PTK2: variants seen among roughly 807,000 people sequenced by gnomAD.
PTK2 encodes the protein focal adhesion kinase 1.
A neutral mutation model predicts 150.1 loss-of-function variants in PTK2; 45 were observed. The observed-to-expected ratio is 0.30, with a 90% CI of 0.24 to 0.38. The LOEUF is 0.38. PTK2 is among the 10% of genes least tolerant of loss of function. The pLI is 1.00. For missense variants in PTK2, 919 were observed against 1,307.3 expected (o/e 0.70, Z 4.58); for synonymous variants, 432 against 449.2 (o/e 0.96, Z 0.48).
chr8:140,658,863 G>GA (rs1326439594), exon 32 of PTK2: 6 of 225,830 alleles, frequency 2.7e-5, no homozygotes, highest in African/African-American at 1.3e-4. Context: ...ATATCCACAC[G>GA]AAAGTAAAAG....
At chr8:140,746,902 T>A (rs1478833727) in intron 17 of PTK2, 42 bp from the exon 21 acceptor site, 1 of 1,423,252 alleles carries the variant, frequency 7.0e-7, no homozygotes, top group Admixed American at 1.9e-5. Context: ...CTTTTTTTTT[T>A]TTTTTTTTAG....
chr8:140,814,829 C>T (rs1408854241), intron 10 of PTK2, among the ~76,000 whole-genome samples: 1 of 150,170 alleles, frequency 6.7e-6, no homozygotes, highest in African/African-American at 2.5e-5. Flanking sequence ...GGCTGGAGTG[C>T]AATGACGAAA....
At chr8:140,831,150 C>G (rs2100115125) in intron 7 of PTK2, among the ~76,000 whole-genome samples, 2 of 152,110 alleles carry the variant, frequency 1.3e-5, no homozygotes. Context: ...TTAAGTCAGG[C>G]AACAAAATTA....
chr8:140,946,096 G>A (rs1026117785), intron 1 of PTK2, among the ~76,000 whole-genome samples: 1 of 152,142 alleles, frequency 6.6e-6, no homozygotes, highest in Non-Finnish European at 1.5e-5. Context: ...TCCAGGAGGG[G>A]TGTGTCTAGG....
chr8:140,738,953 A>ATTTT, intron 21 of PTK2, 65 bp downstream of exon 24: 1 of 1,080,238 alleles, frequency 9.3e-7, no homozygotes, highest in South Asian at 2.1e-5. Context: ...AAAAGAGATA[A>ATTTT]TTTTTTTTTG....
chr8:140,983,648 G>A lies in PTK2; in HGVS notation c.-122+17477C>T, dbSNP rs117398494. Among the ~76,000 whole-genome samples the A allele has an allele frequency of 1.3e-3, 191 of 146,966 alleles. 2 individuals carry two copies. The highest frequency in any genetic ancestry group is 5.0e-3 in the Admixed American group (73 of 14,628). On this transcript the variant is annotated intron_variant, in intron 1 of 31. Transcript: ENST00000522684. ...AAGGCTGGTTCATCACTGTCCTAGAGAGAGGGAAGTGAAGGAAGGAAGGAA... is the reference window on the plus strand; with the variant it reads ...AAGGCTGGTTCATCACTGTCCTAGAAAGAGGGAAGTGAAGGAAGGAAGGAA...
intron 20 of PTK2, among the ~76,000 whole-genome samples, chr8:140,739,907 G>C (rs1391314971): frequency 6.6e-6 from 1 of 152,192 alleles, no homozygotes; most frequent in Non-Finnish European, 1.5e-5. Flanking sequence ...GTTGCTTTGT[G>C]CATGTCCTCA....
intron 1 of PTK2, among the ~76,000 whole-genome samples, chr8:140,939,402 A>C (rs2100174883): frequency 6.6e-6 from 1 of 152,188 alleles, no homozygotes; most frequent in African/African-American, 2.4e-5. Flanking sequence ...TATATACTGC[A>C]AGTTCAGCTC....
chr8:140,855,779 G>C (rs187827456), intron 5 of PTK2, among the ~76,000 whole-genome samples: 1 of 152,190 alleles, frequency 6.6e-6, no homozygotes, highest in African/African-American at 2.4e-5. Context: ...GCTGCAAGGA[G>C]GACAAATGGG....
At chr8:140,995,714 G>C (rs1171342315) in intron 1 of PTK2, among the ~76,000 whole-genome samples, 6 of 151,810 alleles carry the variant, frequency 4.0e-5, no homozygotes, top group African/African-American at 1.5e-4. Flanking sequence ...GAGGCAGAAG[G>C]TTTCAGTGAG....
intron 23 of PTK2, among the ~76,000 whole-genome samples, chr8:140,714,452 AT>A (rs1341795532): frequency 6.6e-6 from 1 of 151,508 alleles, no homozygotes; most frequent in Non-Finnish European, 1.5e-5. Context: ...CCCCATCTTT[AT>A]TTAAAAAAAA....
At chr8:140,794,083 T>C (rs1261801024) in intron 12 of PTK2, among the ~76,000 whole-genome samples, 2 of 152,226 alleles carry the variant, frequency 1.3e-5, no homozygotes, top group African/African-American at 4.8e-5. Flanking sequence ...CTCCCTGGTT[T>C]AACCTCTTTA....
At chr8:140,729,924 G>A (rs1021440756) in intron 22 of PTK2, among the ~76,000 whole-genome samples, 5 of 152,152 alleles carry the variant, frequency 3.3e-5, no homozygotes, top group African/African-American at 7.2e-5. Context: ...CTACCTATAC[G>A]TAGTATGCCC....
rs2100094268 is a variant in PTK2, at chr8:140,800,365, A to G, written c.1093+94T>C. ...TTATTCATTTGGTCTTCATTTTTAC[A>G]GTTACCTAAAAGAGGATAACAGGCT... On this transcript the variant is annotated intron_variant, in intron 12 of 31. Transcript: ENST00000522684. The G allele has an allele frequency of 2.0e-6, 2 of 983,094 alleles. 1 individual carries two copies. The highest frequency in any genetic ancestry group is 5.3e-4 in the Middle Eastern group (2 of 3,786). The allele number at this position is 983,094 out of a possible 1,614,324, so 60.9% of individuals were successfully genotyped here.
chr8:140,660,808 C>T (rs9324530), intron 31 of PTK2, among the ~76,000 whole-genome samples: 1 of 152,012 alleles, frequency 6.6e-6, no homozygotes, highest in Non-Finnish European at 1.5e-5. Flanking sequence ...CTACAGGGTT[C>T]GAATGCTTTG....
chr8:140,803,003 A>ATTTTT (rs1596239214), intron 11 of PTK2, among the ~76,000 whole-genome samples: 2 of 117,290 alleles, frequency 1.7e-5, no homozygotes, highest in East Asian at 3.4e-4. Context: ...CTTGATGACA[A>ATTTTT]TCTTTTTTTT....
Position 140,674,306 on chromosome 8 carries a change from C to T in PTK2, c.2701G>A (p.Gly901Ser). 6 of 1,604,630 alleles carry T rather than the reference C, an allele frequency of 3.7e-6. No homozygotes were observed. Among genetic ancestry groups the T allele is most frequent in the Non-Finnish European group, 4.3e-6 (5 of 1,175,982 alleles). Reference sequence around the variant, plus strand: ...CAGGCTCAGATGCCCACCTTGACACCCTCGTTGTAGCTGTCAGCAGGGCTG... The same window carrying T: ...CAGGCTCAGATGCCCACCTTGACACTCTCGTTGTAGCTGTCAGCAGGGCTG... The change falls in exon 29 of 32, where the codon GGT becomes AGT. Residue 901 changes from glycine (G) to serine (S), a missense_variant. Physicochemically the swap from Gly to Ser is moderately conservative, Grantham distance 56. Around this residue, in one of 3 missense-constraint regions of PTK2, gnomAD observed 258 missense variants for 265.4 expected, o/e 0.97. Coordinates refer to ENST00000522684, the Ensembl canonical transcript of PTK2.
At chr8:140,894,300 C>T (rs1375438364) in intron 2 of PTK2, among the ~76,000 whole-genome samples, 1 of 152,218 alleles carries the variant, frequency 6.6e-6, no homozygotes, top group African/African-American at 2.4e-5. Context: ...TCACTCTGAT[C>T]TAGGACTTCC....
intron 23 of PTK2, among the ~76,000 whole-genome samples, chr8:140,715,917 A>C (rs1325127479): frequency 1.3e-5 from 2 of 152,180 alleles, no homozygotes; most frequent in Non-Finnish European, 2.9e-5. Context: ...TATTAAACTC[A>C]CTAAAAATCC....
Sources: gnomAD v4.1 joint callset for allele counts (sites outside exome capture counted in the v4.1 genomes callset) on GRCh38, gnomAD v4.1.1 for gene constraint, gnomAD v4.1.1 regional missense constraint, MANE v1.5 for transcripts, NCBI Gene and HGNC (gene_info 2026-07-23, HGNC 2026-07-21) for gene names.